NIN: variants seen among roughly 807,000 people sequenced by gnomAD.
The protein encoded by NIN is ninein.
In NIN, 137 loss-of-function variants were observed where a neutral mutation model predicts 257.6. That is an observed-to-expected ratio of 0.53 (90% CI 0.46 to 0.61). The LOEUF is 0.61. Among genes scored for constraint, NIN ranks in the 20% least tolerant of loss-of-function variants. NIN has a pLI of 0.00. For synonymous variants in NIN, 918 were observed against 919.8 expected, an observed-to-expected ratio of 1.00 and a Z score of 0.04; for missense variants, 2,439 against 2,501.2, an observed-to-expected ratio of 0.98 and a Z score of 0.53.
chr14:50,742,130 T>C (rs1462735343), intron 24 of NIN: 1 of 155,760 alleles, frequency 6.4e-6, no homozygotes, highest in Non-Finnish European at 1.4e-5. Context: ...AATCCTATTC[T>C]AGGCTAGGCA....
chr14:50,757,700 C>T lies in NIN; in HGVS notation c.3330G>A (p.Glu1110=). 1.2e-6 allele frequency: 2 copies of T among 1,614,194 alleles called. No homozygotes were observed. ...PGLVMSSCLD[E]PATEFFGNTA... is the part of the protein sequence containing the mutation. Reference sequence around the variant, plus strand: ...TATTTCCAAAAAACTCAGTAGCTGGCTCATCCAAACAAGAAGACATTACTA... The same window carrying T: ...TATTTCCAAAAAACTCAGTAGCTGGTTCATCCAAACAAGAAGACATTACTA... Residue 1110 remains glutamate, a synonymous_variant, in exon 18 of 31, where the codon GAG becomes GAA. Transcript: ENST00000530997.
chr14:50,756,118 C>A (rs757158663), intron 18 of NIN, among the ~76,000 whole-genome samples: 18 of 150,360 alleles, frequency 1.2e-4, no homozygotes, highest in Non-Finnish European at 2.7e-4. Flanking sequence ...TTGTATATAA[C>A]ATGTTTCCTC....
intron 4 of NIN, among the ~76,000 whole-genome samples, chr14:50,804,433 T>TG (rs1389783553): frequency 6.6e-6 from 1 of 152,192 alleles, no homozygotes; most frequent in African/African-American, 2.4e-5. Flanking sequence ...CTACAAGAAA[T>TG]GCTATCAATA....
intron 2 of NIN, among the ~76,000 whole-genome samples, chr14:50,829,338 G>C (rs548603740): frequency 6.6e-6 from 1 of 152,198 alleles, no homozygotes; most frequent in East Asian, 1.9e-4. Context: ...CTCACCACGA[G>C]AGAAGACTCA....
At chr14:50,799,314 G>A (rs890783096) in intron 4 of NIN, among the ~76,000 whole-genome samples, 2 of 152,146 alleles carry the variant, frequency 1.3e-5, no homozygotes, top group African/African-American at 4.8e-5. Context: ...TCTGCCCAGG[G>A]AGCTCCAGCC....
At chr14:50,798,919 T>C (rs575811317) in intron 4 of NIN, among the ~76,000 whole-genome samples, 9 of 152,232 alleles carry the variant, frequency 5.9e-5, no homozygotes, top group African/African-American at 2.2e-4. Flanking sequence ...GCTGGGACTA[T>C]AGGCACGTGC....
At chr14:50,738,025 A>G in intron 27 of NIN, 115 bp downstream of exon 27, 4 of 1,020,710 alleles carry the variant, frequency 3.9e-6, no homozygotes, top group Non-Finnish European at 5.8e-6. Flanking sequence ...AAAGAGATAC[A>G]TGCCAAAATA....
chr14:50,790,967 G>A (rs2043565694), intron 5 of NIN, among the ~76,000 whole-genome samples: 1 of 152,074 alleles, frequency 6.6e-6, no homozygotes, highest in African/African-American at 2.4e-5. Flanking sequence ...CCTAGATGAG[G>A]ACTAGAAACT....
At position 50,770,507 on chromosome 14, in the gene NIN, T is replaced by C. The variant is rs1381956124; in HGVS notation, c.1315A>G (p.Lys439Glu). ...RIAALKNELR[K>E]EREQILQQAG... ...TGCTGCAGGATCTGCTCTCTCTCTT[T>C]TCGGAGTTCATTTTTTAAGGCTGCT... The change falls in exon 12 of 31, where the codon AAA becomes GAA. Residue 439 changes from lysine to glutamate, a missense_variant. This residue lies in a region of NIN where 2,043 missense variants were observed against 2,050.2 expected (regional missense o/e 1.00). Transcript: ENST00000530997. 1 of 1,614,242 alleles carries C rather than the reference T, an allele frequency of 6.2e-7. No individual in the cohort carries two copies. The highest frequency in any genetic ancestry group is 1.1e-5 in the South Asian group (1 of 91,084).
chr14:50,745,615 T>G lies in NIN; in HGVS notation c.5065-1250A>C, dbSNP rs528010041. 8.5e-5 allele frequency among the ~76,000 whole-genome samples: 13 copies of G among 152,248 alleles called. 1 individual carries two copies. Among genetic ancestry groups the G allele is most frequent in the African/African-American group, 2.9e-4 (12 of 41,542 alleles). On this transcript the variant is annotated intron_variant, in intron 22 of 30. Transcript: ENST00000530997. The stretch of plus-strand genomic sequence containing the variant: ...CAACTGGTGACAAATCCAGCATACC[T>G]TACAAATCTGAACAAGTCAGAAGGA...
At chr14:50,816,392 A>G (rs1035685386) in intron 3 of NIN, among the ~76,000 whole-genome samples, 1 of 152,214 alleles carries the variant, frequency 6.6e-6, no homozygotes, top group African/African-American at 2.4e-5. Context: ...ATAATGTGAC[A>G]AGAAGTGGAA....
chr14:50,752,487 A>G (rs770890782), intron 21 of NIN, 31 bp downstream of exon 21: 4 of 1,531,606 alleles, frequency 2.6e-6, no homozygotes, highest in African/African-American at 1.4e-5. Context: ...GATTTCCTCA[A>G]AAAAAGCTGT....
In NIN at chr14:50,729,559, T is replaced by A. The variant is rs1438910643; in HGVS notation, c.6042A>T (p.Glu2014Asp). Residue 2014 changes from glutamate (E) to aspartate (D), a missense_variant, in exon 29 of 31, where the codon GAA becomes GAT. This residue lies in a region of NIN where 2,043 missense variants were observed against 2,050.2 expected (regional missense o/e 1.00). Transcript: ENST00000530997. ...AERINQHLQE[E>D]LENRTSETNT... ...TGGTTTCGGAGGTCCTGTTTTCAAG[T>A]TCCTCCTGCAGGTGCTGGTTTATCC... 6.2e-6 allele frequency: 10 copies of A among 1,613,830 alleles called. No individual in the cohort carries two copies. Among genetic ancestry groups the A allele is most frequent in the Admixed American group, 1.7e-5 (1 of 59,972 alleles).
At chr14:50,795,939 AC>A (rs1253753394) in intron 4 of NIN, among the ~76,000 whole-genome samples, 1 of 152,254 alleles carries the variant, frequency 6.6e-6, no homozygotes, top group Non-Finnish European at 1.5e-5. Context: ...AGACTGCGCC[AC>A]TGCACTCCAG....
intron 28 of NIN, among the ~76,000 whole-genome samples, chr14:50,731,404 G>A (rs558344781): frequency 4.6e-5 from 7 of 151,602 alleles, no homozygotes; most frequent in South Asian, 2.1e-4. Flanking sequence ...GTGGCACGTC[G>A]CCTTTGGTCC....
chr14:50,799,213 T>C (rs191802085), intron 4 of NIN, among the ~76,000 whole-genome samples: 16 of 152,048 alleles, frequency 1.1e-4, no homozygotes, highest in Admixed American at 6.6e-4. Context: ...AGGTTGGGAG[T>C]GCCGAACCTC....
At chr14:50,736,245 G>A (rs897262889) in intron 27 of NIN, among the ~76,000 whole-genome samples, 1 of 151,692 alleles carries the variant, frequency 6.6e-6, no homozygotes, top group Non-Finnish European at 1.5e-5. Flanking sequence ...CGATTCACCT[G>A]CCTCAGCTTC....
At chr14:50,738,094 TTA>T (rs1460540725) in intron 27 of NIN, 44 bp downstream of exon 27, 1 of 1,594,192 alleles carries the variant, frequency 6.3e-7, no homozygotes, top group Non-Finnish European at 8.6e-7. Flanking sequence ...TAAGAACGCA[TTA>T]TAGTGAGAAC....
In NIN at chr14:50,771,309, G is replaced by A. The variant is rs946998077; in HGVS notation, c.1118+23C>T. 6 of 1,611,994 alleles carry A rather than the reference G, an allele frequency of 3.7e-6. No homozygotes were observed. In the African/African-American group the frequency reaches 8.0e-5, roughly 22 times the overall value. On this transcript the variant is annotated intron_variant, in intron 10 of 30. Coordinates refer to ENST00000530997, the MANE Select transcript of NIN (RefSeq NM_020921.4). ...GACAAGTAGGAAAGGGAATGGGGCA[G>A]GCGAACCTTCTGCTCAACTCACAAC... is the stretch of plus-strand genomic sequence containing the variant.
Sources: gnomAD v4.1 joint callset for allele counts (sites outside exome capture counted in the v4.1 genomes callset) on GRCh38, gnomAD v4.1.1 for gene constraint, gnomAD v4.1.1 regional missense constraint, MANE v1.5 for transcripts, NCBI Gene and HGNC (gene_info 2026-07-23, HGNC 2026-07-21) for gene names.